SLC16A7: variants seen among roughly 807,000 people sequenced by gnomAD.
The protein encoded by SLC16A7 is solute carrier family 16 member 7.
Under a neutral mutation model 34.9 loss-of-function variants are expected in SLC16A7, and 33 were observed. That is an observed-to-expected ratio of 0.94 (90% CI 0.72 to 1.26). The LOEUF is 1.26. Among genes scored for constraint, SLC16A7 ranks in the 50% most tolerant of loss-of-function variants. The pLI is 0.00. For synonymous variants in SLC16A7, 201 were observed against 206.6 expected (o/e 0.97, Z 0.23); for missense variants, 573 against 578.1 (o/e 0.99, Z 0.09).
intron 1 of SLC16A7, among the ~76,000 whole-genome samples, chr12:59,610,659 G>A (rs1879151626): frequency 6.6e-6 from 1 of 152,122 alleles, no homozygotes; most frequent in Non-Finnish European, 1.5e-5. Context: ...GAAGAGTTAG[G>A]AAGTCCCTCA....
intron 2 of SLC16A7, among the ~76,000 whole-genome samples, chr12:59,683,856 T>A (rs1317151504): frequency 6.6e-6 from 1 of 152,162 alleles, no homozygotes; most frequent in African/African-American, 2.4e-5. Flanking sequence ...AGAATAGTGA[T>A]ATAGTAAGTG....
In SLC16A7 at chr12:59,783,373, C is replaced by CA. The variant is rs890183583; in HGVS notation, c.*3700dup. Reference sequence around the variant, plus strand: ...GCTTGATATGACAGATGAGTGAAAACAAAAAACAAGCTCAGCAGACTACCC... The same window carrying CA: ...GCTTGATATGACAGATGAGTGAAAACAAAAAAACAAGCTCAGCAGACTACCC... On this transcript the variant is annotated 3_prime_UTR_variant, in exon 6 of 6. Coordinates refer to ENST00000547379, the MANE Select transcript of SLC16A7 (RefSeq NM_001270623.2). 4 of 151,910 alleles carry CA rather than the reference C, an allele frequency of 2.6e-5. No individual in the cohort carries two copies. The highest frequency in any genetic ancestry group is 5.9e-5 in the Non-Finnish European group (4 of 67,950). 9.4% of individuals were successfully genotyped at this position (151,910 alleles called of 1,614,324 possible).
intron 1 of SLC16A7, among the ~76,000 whole-genome samples, chr12:59,618,629 T>C (rs1246240434): frequency 6.6e-6 from 1 of 151,948 alleles, no homozygotes; most frequent in Non-Finnish European, 1.5e-5. Context: ...AAGTCCAAAA[T>C]ACATCATAGT....
chr12:59,665,034 T>C (rs2137035004), intron 2 of SLC16A7: 1 of 152,300 alleles, frequency 6.6e-6, no homozygotes, highest in East Asian at 1.9e-4. Context: ...TCATGTGATT[T>C]CATACTCTAA....
chr12:59,597,087 C>G (rs1408965891), intron 1 of SLC16A7: 1 of 152,272 alleles, frequency 6.6e-6, no homozygotes, highest in African/African-American at 2.4e-5. Context: ...GCGCCCTTCT[C>G]CACCCCCTTT....
At chr12:59,686,566 G>A (rs1871179421) in intron 2 of SLC16A7, among the ~76,000 whole-genome samples, 1 of 151,990 alleles carries the variant, frequency 6.6e-6, no homozygotes, top group South Asian at 2.1e-4. Context: ...CAGGTTAGTA[G>A]CATGTTTTGC....
intron 1 of SLC16A7, among the ~76,000 whole-genome samples, chr12:59,623,719 T>A (rs1180737506): frequency 2.0e-5 from 3 of 151,716 alleles, no homozygotes; most frequent in Admixed American, 6.6e-5. Flanking sequence ...AAGAGAATTT[T>A]GTTTCTAACC....
At chr12:59,736,229 G>A (rs1187302682) in intron 3 of SLC16A7, among the ~76,000 whole-genome samples, 1 of 152,100 alleles carries the variant, frequency 6.6e-6, no homozygotes, top group Non-Finnish European at 1.5e-5. Context: ...TGCACACAAA[G>A]CACAATGGAG....
chr12:59,771,233 GT>G lies in SLC16A7; in HGVS notation c.236del (p.Leu79TrpfsTer2). 1.2e-6 allele frequency: 2 copies of G among 1,612,892 alleles called. No homozygotes were observed. ...VMYAGGPVSS[V>X]LVNKYGSRPV... ...CTCTGCTGTAGGTCCTGTAAGTAGT[GT>G]TTTGGTGAATAAATACGGCAGCCGG... On this transcript the variant is annotated frameshift_variant, in exon 4 of 6. Transcript: ENST00000547379. LOFTEE classifies it high-confidence loss of function.
At chr12:59,733,974 G>T (rs1006077570) in intron 3 of SLC16A7, 1 of 374,434 alleles carries the variant, frequency 2.7e-6, no homozygotes. Flanking sequence ...AAGGGAGGAA[G>T]TGCATGCTGA....
At chr12:59,768,318 AG>A in intron 3 of SLC16A7, 1 of 385,158 alleles carries the variant, frequency 2.6e-6, no homozygotes, top group Non-Finnish European at 5.2e-6. Context: ...TCAGGACTTC[AG>A]TGAAGTAAGT....
intron 3 of SLC16A7, among the ~76,000 whole-genome samples, chr12:59,741,341 C>A (rs1275357996): frequency 6.6e-6 from 1 of 152,122 alleles, no homozygotes; most frequent in African/African-American, 2.4e-5. Context: ...AAACCTTACC[C>A]AGTGTGTTTG....
At chr12:59,653,497 G>C (rs529553559) in intron 1 of SLC16A7, among the ~76,000 whole-genome samples, 41 of 151,662 alleles carry the variant, frequency 2.7e-4, no homozygotes, top group African/African-American at 9.2e-4. Context: ...CAGAAAGTTA[G>C]AGTAAGATGT....
At chr12:59,740,196 T>C (rs1437390776) in intron 3 of SLC16A7, among the ~76,000 whole-genome samples, 2 of 151,734 alleles carry the variant, frequency 1.3e-5, no homozygotes, top group East Asian at 3.8e-4. Flanking sequence ...TTTAAGTCTT[T>C]AATCCATCTT....
chr12:59,762,364 G>T (rs1479327059), intron 3 of SLC16A7, among the ~76,000 whole-genome samples: 1 of 152,006 alleles, frequency 6.6e-6, no homozygotes, highest in Non-Finnish European at 1.5e-5. Context: ...AAATTCATAA[G>T]TACGTTTCTA....
At chr12:59,758,026 G>T (rs1227140198) in intron 3 of SLC16A7, among the ~76,000 whole-genome samples, 1 of 152,020 alleles carries the variant, frequency 6.6e-6, no homozygotes, top group Admixed American at 6.6e-5. Context: ...TGACAAATAA[G>T]TATTACATAC....
Position 59,779,802 on chromosome 12 carries a change from G to T in SLC16A7, c.*123G>T. ...TGAGGAGTCACAATTAAGGATGGAG[G>T]TGATATTTTCCTCAATGGCAAATTT... On this transcript the variant is annotated 3_prime_UTR_variant, in exon 6 of 6. Coordinates refer to ENST00000547379, the MANE Select transcript of SLC16A7 (RefSeq NM_001270623.2). The T allele has an allele frequency of 4.1e-6, 3 of 733,232 alleles. No individual in the cohort carries two copies. Among genetic ancestry groups the T allele is most frequent in the South Asian group, 2.3e-5 (1 of 44,184 alleles). 45.4% of individuals were successfully genotyped at this position (733,232 alleles called of 1,614,324 possible).
chr12:59,690,787 C>T (rs1871556123), intron 2 of SLC16A7, among the ~76,000 whole-genome samples: 1 of 151,892 alleles, frequency 6.6e-6, no homozygotes, highest in East Asian at 1.9e-4. Flanking sequence ...AAATAATCAG[C>T]TCAAAGTAAT....
At chr12:59,644,701 C>G (rs1880833565) in intron 1 of SLC16A7, among the ~76,000 whole-genome samples, 1 of 152,128 alleles carries the variant, frequency 6.6e-6, no homozygotes, top group Non-Finnish European at 1.5e-5. Context: ...AGTTAATGAT[C>G]TGTTTATTTG....
Sources: gnomAD v4.1 joint callset for allele counts (sites outside exome capture counted in the v4.1 genomes callset) on GRCh38, gnomAD v4.1.1 for gene constraint, MANE v1.5 for transcripts, NCBI Gene and HGNC (gene_info 2026-07-23, HGNC 2026-07-21) for gene names.